Variants in MOG observed in about 807,000 individuals in gnomAD.
MOG encodes myelin oligodendrocyte glycoprotein.
Under a neutral mutation model 35.9 loss-of-function variants are expected in MOG, and 20 were observed. The observed-to-expected ratio is 0.56, with a 90% CI of 0.39 to 0.81. MOG has a LOEUF of 0.81. Ranked by LOEUF, MOG falls within the 30% of genes least tolerant of loss-of-function variation. The probability of loss-of-function intolerance (pLI) is 0.00; values close to 1 mark genes in which losing one functional copy is unlikely to be tolerated. For missense variants in MOG, 251 were observed against 301.0 expected (o/e 0.83, Z 1.23); for synonymous variants, 92 against 114.3 (o/e 0.80, Z 1.25).
At chr6:29,668,055 A>C (rs1770612365) in intron 5 of MOG, 131 bp downstream of exon 5, 1 of 859,142 alleles carries the variant, frequency 1.2e-6, no homozygotes, top group Admixed American at 2.1e-5. Flanking sequence ...TTCTTTAAAT[A>C]AGAAGTCATT....
At position 29,671,865 on chromosome 6, in the gene MOG, G is replaced by T; in HGVS notation, c.*680G>T. On this transcript the variant is annotated 3_prime_UTR_variant, in exon 8 of 8. Transcript: ENST00000376917. The stretch of plus-strand genomic sequence containing the variant: ...TCCTTCTACTTACACATCTTCCACA[G>T]GTCTCAGAATCTTTCCTTCCTCTCA... 4.4e-6 allele frequency: 1 copy of T among 228,022 alleles called. No individual in the cohort carries two copies. The allele number at this position is 228,022 out of a possible 1,614,324, so 14.1% of individuals were successfully genotyped here.
chr6:29,668,458 C>A (rs996949579), intron 5 of MOG, among the ~76,000 whole-genome samples: 2 of 152,198 alleles, frequency 1.3e-5, no homozygotes, highest in African/African-American at 4.8e-5. Flanking sequence ...GCAGATTGCC[C>A]AATGCCTAAA....
At position 29,672,333 on chromosome 6, in the gene MOG, TA is replaced by T. The variant is rs34440291; in HGVS notation, c.*1154del. On this transcript the variant is annotated 3_prime_UTR_variant, in exon 8 of 8. Transcript: ENST00000376917. ...ATAAATAAATAAATAAATAAATAAA[TA>T]AAAAATAATAATACAAGTTTTCATA... The T allele has an allele frequency of 2.0e-4, 61 of 301,192 alleles. No individual in the cohort carries two copies. The highest frequency in any genetic ancestry group is 6.7e-4 in the Admixed American group (12 of 17,976). 18.7% of individuals were successfully genotyped at this position (301,192 alleles called of 1,614,324 possible). A position where few individuals can be genotyped will look rare whatever the true frequency, so the allele number is the denominator to read the frequency against.
Position 29,671,317 on chromosome 6 carries a change from G to A in MOG, c.*132G>A, listed in dbSNP as rs1771414461. 2.5e-5 allele frequency: 41 copies of A among 1,611,750 alleles called. No homozygotes were observed. The highest frequency in any genetic ancestry group is 3.5e-5 in the Non-Finnish European group (41 of 1,179,940). ...GGGGACATTCCAATTTGCACTTTCA[G>A]GAACACTCTGAATTCCAAGTAGAAT... On this transcript the variant is annotated 3_prime_UTR_variant, in exon 8 of 8. Transcript: ENST00000376917.
chr6:29,665,242 C>A (rs2535253), intron 2 of MOG, among the ~76,000 whole-genome samples: 92,465 of 151,598 alleles, frequency 0.61, 28,924 homozygotes, highest in African/African-American at 0.72. Flanking sequence ...GATTACAGGA[C>A]TGTGCCACCA....
chr6:29,671,639 G>T lies in MOG; in HGVS notation c.*454G>T. On this transcript the variant is annotated 3_prime_UTR_variant, in exon 8 of 8. Coordinates refer to ENST00000376917, the MANE Select transcript of MOG (RefSeq NM_206809.4). ...CGCAAAACTGAAAGGCATGTGAAGGGAAGGAAGAGGAAGAGTGCAAAACAT... is the reference window on the plus strand; with the variant it reads ...CGCAAAACTGAAAGGCATGTGAAGGTAAGGAAGAGGAAGAGTGCAAAACAT... 1.6e-6 allele frequency: 1 copy of T among 629,976 alleles called. No individual in the cohort carries two copies. The highest frequency in any genetic ancestry group is 2.7e-5 in the East Asian group (1 of 36,846). The allele number at this position is 629,976 out of a possible 1,614,324, so 39.0% of individuals were successfully genotyped here.
intron 2 of MOG, chr6:29,664,723 G>A (rs1437585061): frequency 2.3e-6 from 1 of 427,606 alleles, no homozygotes; most frequent in Non-Finnish European, 4.6e-6. Context: ...TCCTGACTCA[G>A]CCTCTTGAAT....
intron 5 of MOG, among the ~76,000 whole-genome samples, chr6:29,668,997 G>C (rs1770821754): frequency 2.0e-5 from 3 of 150,940 alleles, no homozygotes; most frequent in Non-Finnish European, 4.4e-5. Context: ...GCGCGATCTA[G>C]GCTCACTGAA....
intron 5 of MOG, among the ~76,000 whole-genome samples, chr6:29,668,161 T>C (rs960737192): frequency 6.6e-6 from 1 of 152,244 alleles, no homozygotes; most frequent in Admixed American, 6.5e-5. Context: ...TGTTATCTTA[T>C]TCTGTTTAAC....
Position 29,670,974 on chromosome 6 carries a change from C to A in MOG, c.731-198C>A, listed in dbSNP as rs768451758. The A allele has an allele frequency of 1.2e-6, 2 of 1,611,506 alleles. No homozygotes were observed. The highest frequency in any genetic ancestry group is 2.2e-5 in the South Asian group (2 of 90,826). ...CACCTGATCCATTCCTCCTTCACTG[C>A]CCCTAAGCAGGAATCCAACCCTAGC... On this transcript the variant is annotated intron_variant, in intron 7 of 7. Transcript: ENST00000376917. This position sits in a 1 kb window ranked among gnomAD's most constrained non-coding sequence, Gnocchi z 4.2.
At chr6:29,657,324 G>T (rs1372497321) in intron 1 of MOG, 27 bp downstream of exon 1, 3 of 1,514,708 alleles carry the variant, frequency 2.0e-6, no homozygotes, top group Non-Finnish European at 2.7e-6. Context: ...TTCCTGCCCT[G>T]GGGAGACCCT....
Position 29,667,653 on chromosome 6 carries a change from A to C in MOG, c.561A>C (p.Arg187=). The part of the protein sequence containing the change: ...CLQYRLRGKL[R]AEIENLHRTF... Reference sequence around the variant, plus strand: ...CTTTTTCTATTTTAGGAAAACTTCGAGCAGAGATAGGTGAGTTCCAGTCAT... The same window carrying C: ...CTTTTTCTATTTTAGGAAAACTTCGCGCAGAGATAGGTGAGTTCCAGTCAT... Residue 187 remains arginine, a synonymous_variant, in exon 4 of 8, where the codon CGA becomes CGC. Transcript: ENST00000376917. 6.2e-7 allele frequency: 1 copy of C among 1,613,794 alleles called. No individual in the cohort carries two copies. The highest frequency in any genetic ancestry group is 1.1e-5 in the South Asian group (1 of 91,064).
Position 29,669,955 on chromosome 6 carries a change from G to C in MOG, c.593-326G>C, listed in dbSNP as rs547061910. On this transcript the variant is annotated intron_variant, in intron 5 of 7. Coordinates refer to ENST00000376917, the MANE Select transcript of MOG (RefSeq NM_206809.4). ...CCACCTAATTTTTACATTTTTAGTA[G>C]AGATGGGGTTTCACCATGTTGGCCT... 6.6e-5 allele frequency among the ~76,000 whole-genome samples: 10 copies of C among 152,234 alleles called. No homozygotes were observed. In the South Asian group the frequency reaches 2.1e-3, roughly 32 times the overall value.
intron 2 of MOG, among the ~76,000 whole-genome samples, chr6:29,663,258 G>A (rs1361648803): frequency 2.5e-5 from 3 of 119,714 alleles, no homozygotes; most frequent in Admixed American, 9.2e-5. Flanking sequence ...GGGCAACAGA[G>A]TGAGACTCAA....
intron 2 of MOG, among the ~76,000 whole-genome samples, chr6:29,663,002 G>C (rs187352540): frequency 6.6e-6 from 1 of 152,122 alleles, no homozygotes; most frequent in Admixed American, 6.5e-5. Flanking sequence ...GGGCGCGGTG[G>C]CTCACACCTG....
At chr6:29,665,116 G>T (rs1319886017) in intron 2 of MOG, among the ~76,000 whole-genome samples, 1 of 147,800 alleles carries the variant, frequency 6.8e-6, no homozygotes, top group African/African-American at 2.5e-5. Flanking sequence ...TTTTTTTTGA[G>T]ATGGAGTTTC....
Position 29,667,937 on chromosome 6 carries a change from AT to A in MOG, c.592+14del. 1 of 1,613,012 alleles carries A rather than the reference AT, an allele frequency of 6.2e-7. No homozygotes were observed. Reference sequence around the variant, plus strand: ...CACCGGACTTTTGGTAAGTTCCGGCATGTCTAGGCCCTCCCAGGTCAACTTG... The same window carrying A: ...CACCGGACTTTTGGTAAGTTCCGGCAGTCTAGGCCCTCCCAGGTCAACTTG... On this transcript the variant is annotated intron_variant, in intron 5 of 7. Transcript: ENST00000376917.
intron 2 of MOG, among the ~76,000 whole-genome samples, chr6:29,665,731 A>AGTGGTAATGG (rs1474057699): frequency 0.017 from 2,522 of 150,430 alleles, 43 homozygotes; most frequent in Admixed American, 0.031. Context: ...CTTGAACTAC[A>AGTGGTAATGG]TATTTGAAAT....
intron 5 of MOG, among the ~76,000 whole-genome samples, chr6:29,669,284 ATTTCTTTCTTTC>A (rs71820879): frequency 6.6e-6 from 1 of 150,918 alleles, no homozygotes; most frequent in African/African-American, 2.4e-5. Flanking sequence ...ATAACCTGTA[ATTTCTTTCTTTC>A]TTTCTTTCTT....
Sources: gnomAD v4.1 joint callset for allele counts (sites outside exome capture counted in the v4.1 genomes callset) on GRCh38, gnomAD v4.1.1 for gene constraint, Gnocchi (gnomAD v3.1) non-coding constraint, MANE v1.5 for transcripts, NCBI Gene and HGNC (gene_info 2026-07-23, HGNC 2026-07-21) for gene names.